SIK3: variants seen among roughly 807,000 people sequenced by gnomAD.
SIK3 encodes the protein SIK family kinase 3.
A neutral mutation model predicts 144.2 loss-of-function variants in SIK3; 28 were observed. The observed-to-expected ratio is 0.19, with a 90% CI of 0.14 to 0.27. The LOEUF (loss-of-function observed/expected upper bound fraction) is 0.27. Ranked by LOEUF, SIK3 falls within the 10% of genes least tolerant of loss-of-function variation. The pLI is 1.00. For synonymous variants in SIK3, 686 were observed against 676.3 expected, an observed-to-expected ratio of 1.01 and a Z score of -0.22; for missense variants, 1,319 against 1,776.0, an observed-to-expected ratio of 0.74 and a Z score of 4.62.
At chr11:117,067,379 T>C (rs1018865217) in intron 1 of SIK3, among the ~76,000 whole-genome samples, 1 of 152,116 alleles carries the variant, frequency 6.6e-6, no homozygotes, top group African/African-American at 2.4e-5. Context: ...CAAACTCTGA[T>C]ACAAACAACA....
At chr11:117,098,108 A>T (rs774384100) in intron 1 of SIK3, 35 bp downstream of exon 1, 37 of 1,404,900 alleles carry the variant, frequency 2.6e-5, no homozygotes, top group Non-Finnish European at 3.0e-5. Context: ...CGGCCCCGCC[A>T]CGCTCCGACT....
At chr11:117,052,147 G>A (rs1251388201) in intron 1 of SIK3, among the ~76,000 whole-genome samples, 2 of 151,856 alleles carry the variant, frequency 1.3e-5, no homozygotes, top group Admixed American at 1.3e-4. Flanking sequence ...GAAAAAAAAA[G>A]AGAAAAAAAG....
intron 1 of SIK3, among the ~76,000 whole-genome samples, chr11:116,965,955 G>C (rs1358179049): frequency 6.7e-6 from 1 of 150,068 alleles, no homozygotes; most frequent in African/African-American, 2.5e-5. Context: ...AGAGGGAAGA[G>C]CAGGAAAGAA....
intron 1 of SIK3, among the ~76,000 whole-genome samples, chr11:116,977,339 A>G (rs2135493951): frequency 6.6e-6 from 1 of 150,962 alleles, no homozygotes; most frequent in South Asian, 2.1e-4. Flanking sequence ...CCTCAGTCCC[A>G]CAAAGTGCTG....
intron 4 of SIK3, among the ~76,000 whole-genome samples, chr11:116,917,436 A>C (rs1306221933): frequency 1.6e-4 from 24 of 152,190 alleles, no homozygotes. Flanking sequence ...GAGGCTGGGC[A>C]CAGTAGCTCA....
chr11:116,904,896 T>G (rs1278189823), intron 4 of SIK3: 2 of 167,050 alleles, frequency 1.2e-5, no homozygotes, highest in African/African-American at 4.8e-5. Flanking sequence ...TTTCTTGTAT[T>G]CCATATCCCA....
At chr11:117,050,842 C>T (rs1049194674) in intron 1 of SIK3, among the ~76,000 whole-genome samples, 4 of 151,726 alleles carry the variant, frequency 2.6e-5, no homozygotes, top group Non-Finnish European at 5.9e-5. Flanking sequence ...CACAACTAGG[C>T]CAGGTAAGCT....
intron 1 of SIK3, among the ~76,000 whole-genome samples, chr11:116,998,226 CTT>C (rs1950735318): frequency 1.3e-5 from 2 of 151,166 alleles, no homozygotes; most frequent in African/African-American, 4.9e-5. Flanking sequence ...ATACTGACAA[CTT>C]TGGGAGGCTG....
intron 1 of SIK3, among the ~76,000 whole-genome samples, chr11:116,967,003 C>CAAAA (rs780692335): frequency 5.0e-5 from 5 of 100,146 alleles, no homozygotes; most frequent in Admixed American, 2.1e-4. Context: ...GACTCTGTTT[C>CAAAA]AAAAAAAAAA....
chr11:117,063,590 T>C (rs1367823753), intron 1 of SIK3, among the ~76,000 whole-genome samples: 1 of 151,148 alleles, frequency 6.6e-6, no homozygotes. Context: ...AAGTTTCTTT[T>C]TTTTTTTTTT....
chr11:116,936,400 T>C (rs911231083), intron 3 of SIK3, among the ~76,000 whole-genome samples: 1 of 152,182 alleles, frequency 6.6e-6, no homozygotes, highest in Admixed American at 6.5e-5. Context: ...GGTCTCAAAC[T>C]CTTTACCTCA....
intron 3 of SIK3, among the ~76,000 whole-genome samples, chr11:116,934,572 A>G (rs1947800142): frequency 6.6e-6 from 1 of 152,244 alleles, no homozygotes; most frequent in African/African-American, 2.4e-5. Context: ...CGTGAAACAC[A>G]TTATCACAGG....
chr11:116,967,024 AAAG>A (rs1949581103), intron 1 of SIK3, among the ~76,000 whole-genome samples: 1 of 151,138 alleles, frequency 6.6e-6, no homozygotes, highest in African/African-American at 2.4e-5. Context: ...AGAAAAAGAA[AAAG>A]AAAAAGAAAA....
rs796971607 is a variant in SIK3, at chr11:116,846,803, A to T, written c.3953-250T>A. On this transcript the variant is annotated intron_variant, in intron 23 of 24. Transcript: ENST00000445177. This position sits in a 1 kb window ranked among gnomAD's most constrained non-coding sequence, Gnocchi z 4.1. ...CCTTTACCCTTTCCCATCCTTAGGT[A>T]AGATCAACTACTGTAGTGTGAGAGA... Among the ~76,000 whole-genome samples the T allele has an allele frequency of 1.6e-4, 25 of 152,300 alleles. 1 individual carries two copies. The highest frequency in any genetic ancestry group is 6.0e-4 in the African/African-American group (25 of 41,572).
rs1050996043 is a variant in SIK3, at chr11:116,905,065, A to G, written c.617-7748T>C. 6.0e-5 allele frequency: 10 copies of G among 165,478 alleles called. 1 individual carries two copies. The highest frequency in any genetic ancestry group is 1.5e-4 in the Non-Finnish European group (10 of 68,108). 10.3% of individuals were successfully genotyped at this position (165,478 alleles called of 1,614,324 possible). A position where few individuals can be genotyped will look rare whatever the true frequency, so the allele number is the denominator to read the frequency against. On this transcript the variant is annotated intron_variant, in intron 4 of 24. Transcript: ENST00000445177. ...AATTTTAGAACATTTTCATCACCCC[A>G]AAAAGAAACCCTGTGCTAATTAGGA...
At chr11:116,896,972 T>C (rs2270392) in intron 5 of SIK3, among the ~76,000 whole-genome samples, 25,090 of 146,296 alleles carry the variant, frequency 0.17, 3,120 homozygotes, top group African/African-American at 0.36. Context: ...GGTTGCAGTG[T>C]GCCAAGATCA....
At chr11:117,015,294 T>A (rs1220922408) in intron 1 of SIK3, among the ~76,000 whole-genome samples, 2 of 152,164 alleles carry the variant, frequency 1.3e-5, no homozygotes, top group Non-Finnish European at 2.9e-5. Flanking sequence ...ATTTAAATTT[T>A]AAAATTTTAA....
chr11:116,915,785 T>G (rs2135007016), intron 4 of SIK3, among the ~76,000 whole-genome samples: 1 of 152,360 alleles, frequency 6.6e-6, no homozygotes, highest in African/African-American at 2.4e-5. Flanking sequence ...ATTTTTATCC[T>G]CATCAATTTG....
intron 4 of SIK3, among the ~76,000 whole-genome samples, chr11:116,902,069 C>T (rs370105599): frequency 8.5e-5 from 13 of 152,184 alleles, no homozygotes; most frequent in East Asian, 1.9e-4. Flanking sequence ...TTCCTCTTCT[C>T]TCCAGTGCAG....
Sources: allele counts gnomAD v4.1 joint callset (sites outside exome capture counted in the v4.1 genomes callset), GRCh38; gene constraint gnomAD v4.1.1; non-coding constraint Gnocchi (gnomAD v3.1); transcripts MANE v1.5; gene names NCBI Gene and HGNC (gene_info 2026-07-23, HGNC 2026-07-21).